The following ABCB1 variants were observed in gnomAD, a reference collection of about 807,000 sequenced individuals.
ABCB1 encodes ATP-dependent translocase ABCB1.
ABCB1 carries 69 observed loss-of-function variants against 142.0 expected under a neutral mutation model. The ratio of observed to expected loss-of-function variants is 0.49; its 90% CI spans 0.40 to 0.59. The LOEUF (loss-of-function observed/expected upper bound fraction) is 0.59, where lower values mean the gene tolerates loss of function less well. Ranked by LOEUF, ABCB1 falls within the 20% of genes least tolerant of loss-of-function variation. The pLI is 0.00. For synonymous variants in ABCB1, 532 were observed against 539.2 expected, an observed-to-expected ratio of 0.99 and a Z score of 0.18; for missense variants, 1,326 against 1,554.7, an observed-to-expected ratio of 0.85 and a Z score of 2.47.
intron 21 of ABCB1, among the ~76,000 whole-genome samples, chr7:87,530,874 AAAAG>A (rs1816022950): frequency 9.8e-6 from 1 of 102,372 alleles, no homozygotes; most frequent in African/African-American, 3.1e-5. Flanking sequence ...AGAAAGAAAG[AAAAG>A]AAAGAAAAAG....
At chr7:87,545,270 T>A (rs1026836504) in intron 15 of ABCB1, among the ~76,000 whole-genome samples, 1 of 152,222 alleles carries the variant, frequency 6.6e-6, no homozygotes, top group African/African-American at 2.4e-5. Flanking sequence ...TCTCACGCCA[T>A]TTTTTGTGGG....
At chr7:87,528,476 T>C (rs1426707667) in intron 21 of ABCB1, among the ~76,000 whole-genome samples, 2 of 152,160 alleles carry the variant, frequency 1.3e-5, no homozygotes, top group Admixed American at 1.3e-4. Context: ...TTGCAAGTCT[T>C]CAAAAAATTT....
rs927522272 is a variant in ABCB1 at position 87,516,747 on chromosome 7, T to A, written c.2928-82A>T. ...CTGACACTCCTTTTTTTTTTTTTTTTTTTTTTTGAGGTGGGGTCTTCCTGT... is the reference window on the plus strand; with the variant it reads ...CTGACACTCCTTTTTTTTTTTTTTTATTTTTTTGAGGTGGGGTCTTCCTGT... On this transcript the variant is annotated intron_variant, in intron 23 of 27. Coordinates refer to ENST00000622132, the MANE Select transcript of ABCB1 (RefSeq NM_001348946.2). The A allele has an allele frequency of 3.4e-6, 5 of 1,490,064 alleles. No individual in the cohort carries two copies. The Admixed American group carries it at 9.9e-5, about 29-fold the overall frequency. The allele number at this position is 1,490,064 out of a possible 1,614,324, so 92.3% of individuals were successfully genotyped here.
rs1563029319 is a variant in ABCB1 at position 87,515,384 on chromosome 7, G to C, written c.3129C>G (p.Asn1043Lys). The change falls in exon 25 of 28, where the codon AAC becomes AAG. Residue 1043 changes from asparagine to lysine, a missense_variant. Coordinates refer to ENST00000622132, the MANE Select transcript of ABCB1 (RefSeq NM_001348946.2). ...CTGGGATGTCCGGTCGGGTGGGATAGTTGAATACAACTTCACCAAATGTGA... is the reference window on the plus strand; with the variant it reads ...CTGGGATGTCCGGTCGGGTGGGATACTTGAATACAACTTCACCAAATGTGA... ...GNVTFGEVVF[N>K]YPTRPDIPVL... is the part of the protein sequence containing the mutation. 6.2e-7 allele frequency: 1 copy of C among 1,614,038 alleles called. No homozygotes were observed. Among genetic ancestry groups the C allele is most frequent in the Non-Finnish European group, 8.5e-7 (1 of 1,180,028 alleles).
chr7:87,602,808 A>G (rs993953951), upstream of ABCB1, among the ~76,000 whole-genome samples: 3 of 152,226 alleles, frequency 2.0e-5, no homozygotes, highest in Admixed American at 6.5e-5. Flanking sequence ...TGAATATAAA[A>G]CATGATGGAC....
chr7:87,537,329 C>T (rs1816342869), intron 19 of ABCB1, among the ~76,000 whole-genome samples: 1 of 152,240 alleles, frequency 6.6e-6, no homozygotes, highest in South Asian at 2.1e-4. Context: ...CTGTGAGCTA[C>T]AGGCAGCCTT....
intron 6 of ABCB1, 108 bp downstream of exon 6, chr7:87,566,677 G>T: frequency 1.8e-6 from 2 of 1,141,268 alleles, no homozygotes; most frequent in Non-Finnish European, 2.6e-6. Context: ...TGTCTCATAA[G>T]TACCTTTGAA....
intron 1 of ABCB1, among the ~76,000 whole-genome samples, chr7:87,624,094 T>C (rs537239491): frequency 1.6e-4 from 25 of 152,358 alleles, no homozygotes; most frequent in Non-Finnish European, 4.4e-5. Flanking sequence ...TTTCTCGGTC[T>C]CATTTACTTT....
At chr7:87,509,760 C>T (rs544933086) in intron 25 of ABCB1, among the ~76,000 whole-genome samples, 1 of 152,178 alleles carries the variant, frequency 6.6e-6, no homozygotes, top group African/African-American at 2.4e-5. Context: ...TGTCCTAATC[C>T]CTGGATCCTG....
chr7:87,634,869 G>C (rs1443683960), intron 1 of ABCB1, among the ~76,000 whole-genome samples: 1 of 152,040 alleles, frequency 6.6e-6, no homozygotes, highest in Non-Finnish European at 1.5e-5. Flanking sequence ...TATTTCTAAG[G>C]ATTCTTCATG....
chr7:87,531,425 T>C lies in ABCB1; in HGVS notation c.2554A>G (p.Ile852Val). 6.2e-7 allele frequency: 1 copy of C among 1,613,536 alleles called. No individual in the cohort carries two copies. The highest frequency in any genetic ancestry group is 8.5e-7 in the Non-Finnish European group (1 of 1,179,708). ...NLGTGIIISF[I>V]YGWQLTLLLL... ...AACAGTGTTAGTTGCCAACCATAGA[T>C]GAAGGATATAATTATTCCTGTCCCA... Residue 852 changes from isoleucine to valine, a missense_variant, in exon 21 of 28, where the codon ATC becomes GTC. By Grantham distance (29) the Ile-to-Val change is conservative (BLOSUM62 3). Coordinates refer to ENST00000622132, the MANE Select transcript of ABCB1 (RefSeq NM_001348946.2).
intron 21 of ABCB1, among the ~76,000 whole-genome samples, chr7:87,527,653 T>A (rs1815843833): frequency 6.6e-6 from 1 of 152,186 alleles, no homozygotes; most frequent in African/African-American, 2.4e-5. Flanking sequence ...ACATGATTTT[T>A]AAAATACGCA....
In ABCB1 at chr7:87,544,996, C is replaced by T. The variant is rs1373168864; in HGVS notation, c.1891G>A (p.Ala631Thr). 2.5e-6 allele frequency: 4 copies of T among 1,613,394 alleles called. No homozygotes were observed. Among genetic ancestry groups the T allele is most frequent in the Non-Finnish European group, 2.5e-6 (3 of 1,179,804 alleles). Reference protein sequence around the residue: ...IYFKLVTMQTAGNEVELENAA... With the variant: ...IYFKLVTMQTTGNEVELENAA... The stretch of plus-strand genomic sequence containing the variant: ...TTTTCTAATTCAACTTCATTTCCTG[C>T]TGTCTAAAATAAATAAGAAATATGC... Residue 631 changes from alanine (A) to threonine (T), a missense_variant, in exon 16 of 28, where the codon GCA (alanine) becomes ACA (threonine). Transcript: ENST00000622132.
At chr7:87,620,520 A>G (rs1030967960) in intron 1 of ABCB1, among the ~76,000 whole-genome samples, 1 of 152,154 alleles carries the variant, frequency 6.6e-6, no homozygotes, top group Non-Finnish European at 1.5e-5. Flanking sequence ...TTGCATTTGA[A>G]TCCGTTGCAT....
At chr7:87,514,948 T>C (rs1376960907) in intron 25 of ABCB1, among the ~76,000 whole-genome samples, 2 of 152,142 alleles carry the variant, frequency 1.3e-5, no homozygotes, top group Admixed American at 1.3e-4. Flanking sequence ...TCCATTTTTG[T>C]TGGTTCTTTT....
intron 7 of ABCB1, chr7:87,564,101 A>T (rs943430191): frequency 2.2e-6 from 1 of 448,864 alleles, no homozygotes; most frequent in Non-Finnish European, 4.4e-6. Flanking sequence ...TAATCTGTAT[A>T]ACAAATGCCC....
At chr7:87,647,970 G>T (rs1415971576) in intron 1 of ABCB1, among the ~76,000 whole-genome samples, 5 of 152,024 alleles carry the variant, frequency 3.3e-5, no homozygotes, top group Admixed American at 3.3e-4. Flanking sequence ...GGATCATGAG[G>T]TCAAGAAATC....
chr7:87,548,537 G>A (rs1025106560), intron 14 of ABCB1, among the ~76,000 whole-genome samples: 1 of 152,130 alleles, frequency 6.6e-6, no homozygotes, highest in Non-Finnish European at 1.5e-5. Flanking sequence ...CACATTGACA[G>A]GATGTTAAGG....
intron 20 of ABCB1, among the ~76,000 whole-genome samples, chr7:87,532,900 C>A (rs1182105958): frequency 2.0e-5 from 3 of 152,162 alleles, no homozygotes; most frequent in Non-Finnish European, 4.4e-5. Context: ...TAATTCCCTA[C>A]ATTAATCCCT....
Sources: gnomAD v4.1 joint callset for allele counts (sites outside exome capture counted in the v4.1 genomes callset) on GRCh38, gnomAD v4.1.1 for gene constraint, MANE v1.5 for transcripts, NCBI Gene and HGNC (gene_info 2026-07-23, HGNC 2026-07-21) for gene names.